YAP1: variants seen among roughly 807,000 people sequenced by gnomAD.
The protein encoded by YAP1 is Yes1 associated transcriptional regulator, also known as transcriptional coactivator YAP1.
YAP1 carries 5 observed loss-of-function variants against 56.9 expected under a neutral mutation model. The observed-to-expected ratio is 0.09, with a 90% CI of 0.05 to 0.18. The LOEUF is 0.18. YAP1 is among the 10% of genes least tolerant of loss of function. YAP1 has a pLI of 1.00. For synonymous variants in YAP1, 265 were observed against 248.1 expected, an observed-to-expected ratio of 1.07 and a Z score of -0.64; for missense variants, 539 against 651.8, an observed-to-expected ratio of 0.83 and a Z score of 1.88.
chr11:102,149,977 C>CTT lies in YAP1; in HGVS notation c.573-12453_573-12452dup, dbSNP rs386374692. On this transcript the variant is annotated intron_variant, in intron 2 of 8. Transcript: ENST00000282441. ...TAAAAAAGAGATTTTGAGTAGTGTG[C>CTT]TTTTTTTTTTTTTTTTTTTTTTTTT... 7.4e-3 allele frequency among the ~76,000 whole-genome samples: 371 copies of CTT among 50,334 alleles called. 67 individuals are homozygous for CTT. Among genetic ancestry groups the CTT allele is most frequent in the African/African-American group, 0.02 (275 of 13,426 alleles). 33.0% of individuals were successfully genotyped at this position (50,334 alleles called of 152,430 possible). A position where few individuals can be genotyped will look rare whatever the true frequency, so the allele number is the denominator to read the frequency against.
chr11:102,194,910 GC>G (rs1208629981), intron 4 of YAP1, among the ~76,000 whole-genome samples: 1 of 151,992 alleles, frequency 6.6e-6, no homozygotes, highest in African/African-American at 2.4e-5. Context: ...AAAAGATAAT[GC>G]CCCTTTATTT....
At chr11:102,179,943 A>G (rs185950862) in intron 3 of YAP1, among the ~76,000 whole-genome samples, 1 of 151,608 alleles carries the variant, frequency 6.6e-6, no homozygotes, top group African/African-American at 2.4e-5. Context: ...ATGAAACAAT[A>G]TTTTGTTTTA....
At chr11:102,207,681 T>G (rs1949191215) in intron 5 of YAP1, among the ~76,000 whole-genome samples, 1 of 152,196 alleles carries the variant, frequency 6.6e-6, no homozygotes, top group Non-Finnish European at 1.5e-5. Flanking sequence ...AACTCTGATT[T>G]GGGGTTTGAG....
At chr11:102,225,829 T>C (rs914680982) in intron 7 of YAP1, among the ~76,000 whole-genome samples, 4 of 152,214 alleles carry the variant, frequency 2.6e-5, no homozygotes, top group African/African-American at 9.6e-5. Flanking sequence ...ACATTGTTTG[T>C]AGGTGGTGGT....
chr11:102,202,221 G>A (rs1027101961), intron 4 of YAP1, among the ~76,000 whole-genome samples: 15 of 151,260 alleles, frequency 9.9e-5, no homozygotes, highest in African/African-American at 2.2e-4. Flanking sequence ...GTGCAGTGGC[G>A]CGGTCTTGGC....
At chr11:102,147,382 T>C (rs1382275369) in intron 2 of YAP1, among the ~76,000 whole-genome samples, 1 of 152,214 alleles carries the variant, frequency 6.6e-6, no homozygotes, top group Non-Finnish European at 1.5e-5. Context: ...AGTAAATTTC[T>C]ACATGTACAT....
chr11:102,133,883 T>A (rs1368061328), intron 2 of YAP1, among the ~76,000 whole-genome samples: 1 of 152,196 alleles, frequency 6.6e-6, no homozygotes, highest in Non-Finnish European at 1.5e-5. Flanking sequence ...TCCTGAGGTC[T>A]CTTCTCTTGG....
chr11:102,161,283 C>T (rs1182030688), intron 2 of YAP1, among the ~76,000 whole-genome samples: 8 of 150,786 alleles, frequency 5.3e-5, no homozygotes, highest in African/African-American at 9.8e-5. Flanking sequence ...AGGATGGTCT[C>T]GATCTCCTGA....
intron 4 of YAP1, among the ~76,000 whole-genome samples, chr11:102,191,898 C>G (rs1475586059): frequency 1.3e-5 from 2 of 152,068 alleles, no homozygotes; most frequent in African/African-American, 4.8e-5. Flanking sequence ...GTCTCAAACC[C>G]CTGGGGCTCA....
intron 3 of YAP1, among the ~76,000 whole-genome samples, chr11:102,177,324 T>TC (rs1303044076): frequency 2.0e-5 from 3 of 152,126 alleles, no homozygotes; most frequent in African/African-American, 4.8e-5. Context: ...TCAGAGGACT[T>TC]CCTCCTTAGA....
intron 2 of YAP1, among the ~76,000 whole-genome samples, chr11:102,135,337 A>G (rs1944614963): frequency 6.6e-6 from 1 of 152,242 alleles, no homozygotes; most frequent in Non-Finnish European, 1.5e-5. Flanking sequence ...TTTGTGAATT[A>G]GGGATTCAGT....
intron 3 of YAP1, among the ~76,000 whole-genome samples, chr11:102,181,629 G>A (rs1262724108): frequency 2.0e-5 from 3 of 151,996 alleles, no homozygotes; most frequent in African/African-American, 4.8e-5. Flanking sequence ...AAAACGTACT[G>A]CCCTTGTGGT....
chr11:102,199,309 GT>G (rs1473165964), intron 4 of YAP1, among the ~76,000 whole-genome samples: 6 of 152,142 alleles, frequency 3.9e-5, no homozygotes. Context: ...TAAAGGCTGT[GT>G]TTTTTATGAT....
chr11:102,226,860 A>G (rs1399020665), intron 7 of YAP1: 1 of 152,264 alleles, frequency 6.6e-6, no homozygotes, highest in Non-Finnish European at 1.5e-5. Context: ...AGATCAAGCC[A>G]CGAGTATTCT....
chr11:102,192,385 T>A (rs1395418810), intron 4 of YAP1, among the ~76,000 whole-genome samples: 14 of 152,250 alleles, frequency 9.2e-5, no homozygotes. Flanking sequence ...AGAAAAATAG[T>A]TATGTCATTG....
rs892826373 is a variant in YAP1, at chr11:102,175,399, C to CA, written c.689-10610dup. ...TGGGTGACAGAGCGAGACCTCGTCT[C>CA]AAAAAAAAACTTATTTCTTTTACCA... On this transcript the variant is annotated intron_variant, in intron 3 of 8. Transcript: ENST00000282441. Among the ~76,000 whole-genome samples the CA allele has an allele frequency of 4.0e-5, 6 of 150,642 alleles. No homozygotes were observed. In the East Asian group the frequency reaches 5.8e-4, roughly 15 times the overall value.
At chr11:102,163,303 C>T (rs1197422806) in intron 3 of YAP1, among the ~76,000 whole-genome samples, 2 of 152,162 alleles carry the variant, frequency 1.3e-5, no homozygotes, top group Non-Finnish European at 2.9e-5. Flanking sequence ...TATGAAGCCT[C>T]TAGTAATTAC....
Position 102,130,182 on chromosome 11 carries a change from C to T in YAP1, c.572+15788C>T, listed in dbSNP as rs546233966. On this transcript the variant is annotated intron_variant, in intron 2 of 8. Transcript: ENST00000282441. ...TAAATATTGACTCAGAAAAAAAATT[C>T]AATATTTTTCTGAGTCAAAAATATT... 7.9e-5 allele frequency among the ~76,000 whole-genome samples: 12 copies of T among 151,942 alleles called. No individual in the cohort carries two copies. The East Asian group carries it at 2.3e-3, about 29-fold the overall frequency.
At chr11:102,224,604 T>C (rs10895278) in intron 7 of YAP1, among the ~76,000 whole-genome samples, 49,691 of 152,094 alleles carry the variant, frequency 0.33, 8,242 homozygotes, top group East Asian at 0.36. Flanking sequence ...AATTGGAAAC[T>C]TAGTAATTCC....
Sources: gnomAD v4.1 joint callset for allele counts (sites outside exome capture counted in the v4.1 genomes callset) on GRCh38, gnomAD v4.1.1 for gene constraint, MANE v1.5 for transcripts, NCBI Gene and HGNC (gene_info 2026-07-23, HGNC 2026-07-21) for gene names.